WDFY3: variants seen among roughly 807,000 people sequenced by gnomAD.
WDFY3 encodes WD repeat and FYVE domain-containing protein 3.
Under a neutral mutation model 409.6 loss-of-function variants are expected in WDFY3, and 66 were observed. The observed-to-expected ratio is 0.16, with a 90% CI of 0.13 to 0.20. The LOEUF (loss-of-function observed/expected upper bound fraction) is 0.20. Among genes scored for constraint, WDFY3 ranks in the 10% least tolerant of loss-of-function variants. The pLI is 1.00. For missense variants in WDFY3, 3,031 were observed against 4,298.1 expected (o/e 0.71, Z 8.24); for synonymous variants, 1,521 against 1,537.1 (o/e 0.99, Z 0.25).
intron 1 of WDFY3, among the ~76,000 whole-genome samples, chr4:84,960,655 TA>T (rs936017783): frequency 6.6e-6 from 1 of 152,002 alleles, no homozygotes; most frequent in South Asian, 2.1e-4. Context: ...CTTCTTATTT[TA>T]AAAAAAAGAA....
rs1728671289 is a variant in WDFY3, at chr4:84,688,353, A to G, written c.9364-88T>C. 3 of 1,331,426 alleles carry G rather than the reference A, an allele frequency of 2.3e-6. No homozygotes were observed. The Admixed American group carries it at 6.8e-5, about 30-fold the overall frequency. 82.5% of individuals were successfully genotyped at this position (1,331,426 alleles called of 1,614,324 possible). On this transcript the variant is annotated intron_variant, in intron 61 of 67. Coordinates refer to ENST00000295888, the MANE Select transcript of WDFY3 (RefSeq NM_014991.6). ...CCAGAAGCTCCTGGATGCATCAGGA[A>G]GCAGTGGCACGCATGCTAGGTAGTA...
intron 2 of WDFY3, among the ~76,000 whole-genome samples, chr4:84,900,025 G>T (rs915686442): frequency 4.6e-5 from 7 of 152,114 alleles, no homozygotes; most frequent in African/African-American, 1.4e-4. Context: ...TCTAGCCTGG[G>T]TGACAAAGCC....
At chr4:84,839,626 G>A (rs1757055162) in intron 6 of WDFY3, among the ~76,000 whole-genome samples, 1 of 152,096 alleles carries the variant, frequency 6.6e-6, no homozygotes, top group African/African-American at 2.4e-5. Context: ...GGGAGGCCAA[G>A]GCAGGTGGAT....
intron 2 of WDFY3, among the ~76,000 whole-genome samples, chr4:84,898,273 C>G (rs1443486820): frequency 1.3e-5 from 2 of 151,952 alleles, no homozygotes; most frequent in Non-Finnish European, 2.9e-5. Flanking sequence ...AAATGAAGCC[C>G]CAAAACTTCA....
At chr4:84,870,335 C>T (rs933925185) in intron 3 of WDFY3, among the ~76,000 whole-genome samples, 6 of 152,134 alleles carry the variant, frequency 3.9e-5, no homozygotes, top group African/African-American at 1.4e-4. Context: ...ACTGAGGTCG[C>T]AGGGCAAACA....
rs192652457 is a variant in WDFY3, at chr4:84,868,822, A to T, written c.-31-8200T>A. On this transcript the variant is annotated intron_variant, in intron 3 of 67. Coordinates refer to ENST00000295888, the MANE Select transcript of WDFY3 (RefSeq NM_014991.6). The stretch of plus-strand genomic sequence containing the variant: ...AAAGGTAGATTTATCTTAATAGTTA[A>T]AAGGCAGTTAGGTTACTTGGTATGA... Among the ~76,000 whole-genome samples the T allele has an allele frequency of 1.6e-4, 24 of 152,334 alleles. No homozygotes were observed. The East Asian group carries it at 3.9e-3, about 24-fold the overall frequency.
At chr4:84,685,151 G>C (rs182083067) in intron 62 of WDFY3, among the ~76,000 whole-genome samples, 1 of 152,152 alleles carries the variant, frequency 6.6e-6, no homozygotes, top group Non-Finnish European at 1.5e-5. Flanking sequence ...ACCTGGTAAA[G>C]TTCAGTACCC....
chr4:84,769,590 G>T (rs576082118), intron 30 of WDFY3, among the ~76,000 whole-genome samples: 1 of 151,578 alleles, frequency 6.6e-6, no homozygotes, highest in South Asian at 2.1e-4. Flanking sequence ...AATTTTTTTT[G>T]TGTGTATTTT....
At chr4:84,775,499 A>G (rs538754572) in intron 27 of WDFY3, among the ~76,000 whole-genome samples, 1 of 152,118 alleles carries the variant, frequency 6.6e-6, no homozygotes, top group South Asian at 2.1e-4. Flanking sequence ...GACGGCATTA[A>G]TAGTAGATGA....
In WDFY3 at chr4:84,831,711, A is replaced by G. The variant is rs985000738; in HGVS notation, c.577-106T>C. 21 of 974,368 alleles carry G rather than the reference A, an allele frequency of 2.2e-5. No homozygotes were observed. The East Asian group carries it at 5.4e-4, about 25-fold the overall frequency. 60.4% of individuals were successfully genotyped at this position (974,368 alleles called of 1,614,324 possible). On this transcript the variant is annotated intron_variant, in intron 7 of 67. Coordinates refer to ENST00000295888, the MANE Select transcript of WDFY3 (RefSeq NM_014991.6). ...ATGGACTGCTCTCAAAAGAAGACAT[A>G]GAAATGGCCAACAGGTATATGAAAA...
intron 4 of WDFY3, among the ~76,000 whole-genome samples, chr4:84,855,597 T>C (rs898378278): frequency 2.0e-5 from 3 of 152,018 alleles, no homozygotes; most frequent in Non-Finnish European, 2.9e-5. Flanking sequence ...AAAAGAGAGG[T>C]TGGAATGTTT....
In WDFY3 at chr4:84,672,688, T is replaced by C. The variant is rs923163409; in HGVS notation, c.*180A>G. On this transcript the variant is annotated 3_prime_UTR_variant, in exon 68 of 68. Transcript: ENST00000295888. ...TCTTGTGCTGTTCACCTGAATCGCG[T>C]CTGCCCCATTCCTGTACTCTACACC... 7 of 775,728 alleles carry C rather than the reference T, an allele frequency of 9.0e-6. No homozygotes were observed. The African/African-American group carries it at 1.2e-4, about 14-fold the overall frequency. 48.1% of individuals were successfully genotyped at this position (775,728 alleles called of 1,614,324 possible). A position where few individuals can be genotyped will look rare whatever the true frequency, so the allele number is the denominator to read the frequency against.
chr4:84,912,064 T>C (rs1767869943), intron 2 of WDFY3, among the ~76,000 whole-genome samples: 1 of 152,174 alleles, frequency 6.6e-6, no homozygotes, highest in Non-Finnish European at 1.5e-5. Flanking sequence ...TCCAGTAAGT[T>C]GTATATGGCA....
At chr4:84,683,699 C>T (rs1366425134) in intron 63 of WDFY3, among the ~76,000 whole-genome samples, 1 of 152,158 alleles carries the variant, frequency 6.6e-6, no homozygotes, top group Non-Finnish European at 1.5e-5. Flanking sequence ...TTTGACTGAC[C>T]TCACTGTGTC....
intron 24 of WDFY3, 61 bp from the exon 25 acceptor site, chr4:84,783,135 G>T: frequency 6.9e-7 from 1 of 1,440,974 alleles, no homozygotes; most frequent in Non-Finnish European, 9.7e-7. Flanking sequence ...GTTTTGATTG[G>T]AAAAGAAACC....
At chr4:84,770,391 T>C (rs985683729) in intron 30 of WDFY3, among the ~76,000 whole-genome samples, 6 of 152,206 alleles carry the variant, frequency 3.9e-5, no homozygotes, top group Non-Finnish European at 1.5e-5. Flanking sequence ...CAGTATAGTG[T>C]AAACATAACT....
intron 4 of WDFY3, among the ~76,000 whole-genome samples, chr4:84,857,162 T>C (rs1438594272): frequency 6.6e-6 from 1 of 152,194 alleles, no homozygotes; most frequent in East Asian, 1.9e-4. Context: ...CATACACATA[T>C]GTTTCTAATC....
intron 36 of WDFY3, among the ~76,000 whole-genome samples, chr4:84,750,491 C>G (rs777313610): frequency 6.6e-6 from 1 of 152,022 alleles, no homozygotes; most frequent in South Asian, 2.1e-4. Flanking sequence ...ATCTCAGGTT[C>G]AGCTGTCAAA....
intron 56 of WDFY3, among the ~76,000 whole-genome samples, chr4:84,701,860 A>G (rs1293272942): frequency 6.6e-6 from 1 of 152,256 alleles, no homozygotes; most frequent in Non-Finnish European, 1.5e-5. Context: ...AGAATGTATT[A>G]GGCAATAAAC....
Sources: allele counts gnomAD v4.1 joint callset (sites outside exome capture counted in the v4.1 genomes callset), GRCh38; gene constraint gnomAD v4.1.1; transcripts MANE v1.5; gene names NCBI Gene and HGNC (gene_info 2026-07-23, HGNC 2026-07-21).